The following ATXN10 variants were observed in gnomAD, a reference collection of about 807,000 sequenced individuals.
ATXN10 encodes ataxin 10.
In ATXN10, 28 loss-of-function variants were observed where a neutral mutation model predicts 52.9. The ratio of observed to expected loss-of-function variants is 0.53; its 90% confidence interval spans 0.39 to 0.73. The LOEUF (loss-of-function observed/expected upper bound fraction) is 0.73, where lower values mean the gene tolerates loss of function less well. ATXN10 is among the 30% of genes least tolerant of loss of function. The probability of loss-of-function intolerance (pLI) is 0.00; values close to 1 mark genes in which losing one functional copy is unlikely to be tolerated. For synonymous variants in ATXN10, 226 were observed against 221.5 expected, an observed-to-expected ratio of 1.02 and a Z score of -0.18; for missense variants, 565 against 577.0, an observed-to-expected ratio of 0.98 and a Z score of 0.21.
In ATXN10 at chr22:45,672,056, G is replaced by A; in HGVS notation, c.-8G>A. ...CTCGTCAGGCTCGACCCAGCTGTGA[G>A]CGGCAAGATGGCGGCGCCCAGGCCG... On this transcript the variant is annotated 5_prime_UTR_variant, in exon 1 of 12. Transcript: ENST00000252934. 1 of 1,535,890 alleles carries A rather than the reference G, an allele frequency of 6.5e-7. No individual in the cohort carries two copies. The highest frequency in any genetic ancestry group is 1.2e-5 in the South Asian group (1 of 83,824).
intron 7 of ATXN10, 86 bp from the exon 8 acceptor site, chr22:45,738,645 A>G: frequency 2.6e-6 from 3 of 1,142,020 alleles, no homozygotes; most frequent in Non-Finnish European, 3.8e-6. Context: ...ATTTATTGAA[A>G]TATTTTATTC....
At chr22:45,679,870 A>G (rs768163174) in intron 1 of ATXN10, 1 of 152,222 alleles carries the variant, frequency 6.6e-6, no homozygotes, top group Non-Finnish European at 1.5e-5. Flanking sequence ...CATACATTCA[A>G]TTATCTTAAA....
In ATXN10 at chr22:45,777,223, A is replaced by G. The variant is rs1748106120; in HGVS notation, c.1174-29736A>G. On this transcript the variant is annotated intron_variant, in intron 9 of 11. Coordinates refer to ENST00000252934, the MANE Select transcript of ATXN10 (RefSeq NM_013236.4). ...CACTGAATAGCCTATAATTATCAAGATTATATCCAGTTAGCATAAAGTGCT... is the reference window on the plus strand; with the variant it reads ...CACTGAATAGCCTATAATTATCAAGGTTATATCCAGTTAGCATAAAGTGCT... Among the ~76,000 whole-genome samples, 4 of 152,190 alleles carry G rather than the reference A, an allele frequency of 2.6e-5. No individual in the cohort carries two copies. The South Asian group carries it at 8.3e-4, about 32-fold the overall frequency.
chr22:45,753,508 C>G (rs896740974), intron 9 of ATXN10, among the ~76,000 whole-genome samples: 2 of 145,634 alleles, frequency 1.4e-5, no homozygotes, highest in African/African-American at 5.0e-5. Context: ...CGGGATTAAG[C>G]GATTCTCTTG....
At chr22:45,822,879 G>T (rs1189479299) in intron 10 of ATXN10, among the ~76,000 whole-genome samples, 2 of 152,150 alleles carry the variant, frequency 1.3e-5, no homozygotes, top group Non-Finnish European at 2.9e-5. Context: ...TGGATTTCTT[G>T]TGTCATGAAG....
intron 9 of ATXN10, chr22:45,793,741 A>G (rs558756351): frequency 7.0e-7 from 1 of 1,433,504 alleles, no homozygotes; most frequent in African/African-American, 1.5e-5. Context: ...AGCTCTTGCC[A>G]CCCCCGATTC....
intron 9 of ATXN10, among the ~76,000 whole-genome samples, chr22:45,755,783 A>G (rs1471489153): frequency 1.3e-5 from 2 of 152,230 alleles, no homozygotes; most frequent in African/African-American, 4.8e-5. Flanking sequence ...ACTGTGTGTC[A>G]GGTACTCTTC....
chr22:45,832,017 G>T (rs1929008965), intron 10 of ATXN10, among the ~76,000 whole-genome samples: 1 of 152,206 alleles, frequency 6.6e-6, no homozygotes, highest in African/African-American at 2.4e-5. Context: ...TGTGTAAATT[G>T]CCCAAAGCCG....
At chr22:45,740,635 G>A in intron 9 of ATXN10, 97 bp downstream of exon 9, 1 of 1,105,270 alleles carries the variant, frequency 9.0e-7, no homozygotes, top group South Asian at 1.3e-5. Flanking sequence ...AGCTTGAGGT[G>A]CTTAGAAAGT....
chr22:45,674,015 A>T (rs1238975137), intron 1 of ATXN10: 1 of 152,152 alleles, frequency 6.6e-6, no homozygotes, highest in Non-Finnish European at 1.5e-5. Context: ...ACAGAGAACC[A>T]TTGATGGTTT....
rs1345685836 is a variant in ATXN10 at position 45,677,796 on chromosome 22, A to C, written c.116+5617A>C. 6.6e-6 allele frequency: 1 copy of C among 152,194 alleles called. No individual in the cohort carries two copies. 9.4% of individuals were successfully genotyped at this position (152,194 alleles called of 1,614,324 possible). A position where few individuals can be genotyped will look rare whatever the true frequency, so the allele number is the denominator to read the frequency against. On this transcript the variant is annotated intron_variant, in intron 1 of 11. Coordinates refer to ENST00000252934, the MANE Select transcript of ATXN10 (RefSeq NM_013236.4). This position sits in a 1 kb window ranked among gnomAD's most constrained non-coding sequence, Gnocchi z 4.1. ...ATGCCGTTTAGGATGGCTATTATCC[A>C]AAAAATGGAAAAGAACAAGTATCGT...
intron 9 of ATXN10, among the ~76,000 whole-genome samples, chr22:45,785,547 T>C (rs1242853835): frequency 1.3e-5 from 2 of 152,242 alleles, no homozygotes; most frequent in African/African-American, 2.4e-5. Flanking sequence ...AGCCAGGTAT[T>C]GTGTAAGACG....
rs1399609675 is a variant in ATXN10 at position 45,672,015 on chromosome 22, C to T, written c.-49C>T. The T allele has an allele frequency of 2.0e-6, 3 of 1,525,590 alleles. No homozygotes were observed. The highest frequency in any genetic ancestry group is 1.4e-5 in the African/African-American group (1 of 72,460). The allele number at this position is 1,525,590 out of a possible 1,614,324, so 94.5% of individuals were successfully genotyped here. ...CCTCGTCATCCTCCCCCTTCGTCCT[C>T]CTCGCCTTCCTCCTCCTCGTCAGGC... On this transcript the variant is annotated 5_prime_UTR_variant, in exon 1 of 12. Coordinates refer to ENST00000252934, the MANE Select transcript of ATXN10 (RefSeq NM_013236.4).
chr22:45,710,903 C>T (rs1026451975), intron 5 of ATXN10, among the ~76,000 whole-genome samples: 2 of 152,152 alleles, frequency 1.3e-5, no homozygotes, highest in Non-Finnish European at 2.9e-5. Flanking sequence ...GTCCTTCAGT[C>T]ACTTCAGGCT....
rs1928750469 is a variant in ATXN10 at position 45,824,351 on chromosome 22, C to T, written c.1237+17329C>T. Among the ~76,000 whole-genome samples, 1 of 152,030 alleles carries T rather than the reference C, an allele frequency of 6.6e-6. No homozygotes were observed. On this transcript the variant is annotated intron_variant, in intron 10 of 11. Transcript: ENST00000252934. This position sits in a 1 kb window ranked among gnomAD's most constrained non-coding sequence, Gnocchi z 5.2. ...ATGATCCCAACTCAAATTTAAGGCCCCCTTTTTATTGTTTCACCTTATCCT... is the reference window on the plus strand; with the variant it reads ...ATGATCCCAACTCAAATTTAAGGCCTCCTTTTTATTGTTTCACCTTATCCT...
Position 45,841,631 on chromosome 22 carries a change from T to C in ATXN10, c.1238-1360T>C, listed in dbSNP as rs1929348838. Among the ~76,000 whole-genome samples, 1 of 152,254 alleles carries C rather than the reference T, an allele frequency of 6.6e-6. No individual in the cohort carries two copies. Among genetic ancestry groups the C allele is most frequent in the South Asian group, 2.1e-4 (1 of 4,830 alleles). ...CAAAAACACTTCCTGAGCATACAGC[T>C]GACTGTGTTTAGTACGTTTCAGTTG... On this transcript the variant is annotated intron_variant, in intron 10 of 11. Transcript: ENST00000252934. This position sits in a 1 kb window ranked among gnomAD's most constrained non-coding sequence, Gnocchi z 5.1.
chr22:45,799,196 G>T (rs61230958), intron 9 of ATXN10, among the ~76,000 whole-genome samples: 2 of 151,878 alleles, frequency 1.3e-5, no homozygotes, highest in African/African-American at 4.8e-5. Context: ...TCAGCCTCCC[G>T]AGTAGTTGGG....
rs1443522218 is a variant in ATXN10, at chr22:45,705,323, G to A, written c.647+2476G>A. Among the ~76,000 whole-genome samples, 2 of 151,976 alleles carry A rather than the reference G, an allele frequency of 1.3e-5. No individual in the cohort carries two copies. The highest frequency in any genetic ancestry group is 6.6e-5 in the Admixed American group (1 of 15,258). ...TGTTTTTGGAAGACTGTAAAGGATC[G>A]GTATTCATCTTTAAATATGTGGTAG... On this transcript the variant is annotated intron_variant, in intron 5 of 11. Coordinates refer to ENST00000252934, the MANE Select transcript of ATXN10 (RefSeq NM_013236.4). The surrounding 1 kb of genome is among the most constrained non-coding windows in gnomAD (Gnocchi z 5.2).
At position 45,836,178 on chromosome 22, in the gene ATXN10, A is replaced by G. The variant is rs564188356; in HGVS notation, c.1238-6813A>G. Among the ~76,000 whole-genome samples the G allele has an allele frequency of 5.8e-4, 88 of 152,160 alleles. 1 individual carries two copies. Among genetic ancestry groups the G allele is most frequent in the Middle Eastern group, 3.4e-3 (1 of 294 alleles). On this transcript the variant is annotated intron_variant, in intron 10 of 11. Transcript: ENST00000252934. ...GTGTAGAATCTGCACCATAAATTAG[A>G]CTTGTACTTTAATTTTCTGAATGAG...
Sources: gnomAD v4.1 joint callset for allele counts (sites outside exome capture counted in the v4.1 genomes callset) on GRCh38, gnomAD v4.1.1 for gene constraint, Gnocchi (gnomAD v3.1) non-coding constraint, MANE v1.5 for transcripts, NCBI Gene and HGNC (gene_info 2026-07-23, HGNC 2026-07-21) for gene names.